The following TLN2 variants were observed in gnomAD, a reference collection of about 807,000 sequenced individuals.
TLN2 encodes the protein talin 2, also known as talin-2.
TLN2 carries 118 observed loss-of-function variants against 294.7 expected under a neutral mutation model. That is an observed-to-expected ratio of 0.40 (90% CI 0.34 to 0.47). TLN2 has a LOEUF of 0.47. Ranked by LOEUF, TLN2 falls within the 20% of genes least tolerant of loss-of-function variation. TLN2 has a pLI of 0.84. For missense variants in TLN2, 3,083 were observed against 3,282.2 expected, an observed-to-expected ratio of 0.94 and a Z score of 1.48; for synonymous variants, 1,431 against 1,304.5, an observed-to-expected ratio of 1.10 and a Z score of -2.09.
At chr15:62,477,566 C>T (rs1227667500) in intron 1 of TLN2, among the ~76,000 whole-genome samples, 1 of 152,142 alleles carries the variant, frequency 6.6e-6, no homozygotes, top group Non-Finnish European at 1.5e-5. Flanking sequence ...GTCCATTGAA[C>T]CCTCCCTTAA....
chr15:62,647,283 A>C lies in TLN2; in HGVS notation c.-28A>C, dbSNP rs1182755693. 4 of 1,609,782 alleles carry C rather than the reference A, an allele frequency of 2.5e-6. No individual in the cohort carries two copies. The highest frequency in any genetic ancestry group is 1.7e-4 in the Middle Eastern group (1 of 6,044). On this transcript the variant is annotated 5_prime_UTR_variant, in exon 4 of 59. Coordinates refer to ENST00000636159, the MANE Select transcript of TLN2 (RefSeq NM_015059.3). ...CTCTTTGTGTTTTCCAGACATTCTA[A>C]GTGAGACTGTCCACATCATCTAGGA...
chr15:62,707,382 C>A, intron 20 of TLN2, 129 bp downstream of exon 20: 1 of 1,124,008 alleles, frequency 8.9e-7, no homozygotes, highest in Non-Finnish European at 1.2e-6. Context: ...CTTAAAGTGT[C>A]TTAAGTGATG....
At chr15:62,691,255 A>G (rs78466307) in intron 12 of TLN2, among the ~76,000 whole-genome samples, 3,739 of 152,228 alleles carry the variant, frequency 0.025, 72 homozygotes, top group South Asian at 0.051. Context: ...TTACTGTCCT[A>G]TAAGTCCGTG....
intron 1 of TLN2, among the ~76,000 whole-genome samples, chr15:62,411,797 T>A (rs1346908318): frequency 6.6e-6 from 1 of 152,102 alleles, no homozygotes; most frequent in Non-Finnish European, 1.5e-5. Context: ...TCTCTCAAAA[T>A]GGGGGCCCTA....
At chr15:62,551,432 G>C (rs1355124988) in intron 1 of TLN2, among the ~76,000 whole-genome samples, 1 of 152,098 alleles carries the variant, frequency 6.6e-6, no homozygotes, top group East Asian at 1.9e-4. Flanking sequence ...AGCACGTTGG[G>C]AGGCCGAGAC....
At chr15:62,467,601 A>G (rs400271) in intron 1 of TLN2, among the ~76,000 whole-genome samples, 54,021 of 151,980 alleles carry the variant, frequency 0.36, 10,227 homozygotes, top group East Asian at 0.7. Flanking sequence ...CTGAGGCAGG[A>G]GAATCGCCAA....
intron 1 of TLN2, among the ~76,000 whole-genome samples, chr15:62,391,080 C>T (rs1388112706): frequency 2.0e-5 from 3 of 152,222 alleles, no homozygotes; most frequent in African/African-American, 4.8e-5. Context: ...GCGGCCCCGC[C>T]TGCATAGAGT....
At chr15:62,682,481 T>G (rs2056921948) in intron 11 of TLN2, among the ~76,000 whole-genome samples, 1 of 152,188 alleles carries the variant, frequency 6.6e-6, no homozygotes, top group Non-Finnish European at 1.5e-5. Context: ...GAAATGTGCT[T>G]TGGAAAAGAA....
chr15:62,836,407 A>G (rs185034397), intron 57 of TLN2, among the ~76,000 whole-genome samples: 13 of 152,298 alleles, frequency 8.5e-5, no homozygotes, highest in African/African-American at 3.1e-4. Context: ...CTGTGCTTTG[A>G]GAGCCCCTAG....
intron 2 of TLN2, among the ~76,000 whole-genome samples, chr15:62,594,741 G>T (rs578158173): frequency 1.3e-5 from 2 of 152,192 alleles, no homozygotes; most frequent in Admixed American, 6.5e-5. Context: ...TGTGACATTG[G>T]TCTGGGCAAG....
intron 45 of TLN2, chr15:62,784,569 G>A (rs886614758): frequency 2.0e-5 from 3 of 152,308 alleles, no homozygotes; most frequent in Admixed American, 1.3e-4. Flanking sequence ...TTCTAATGGG[G>A]TGGTCCATTG....
intron 1 of TLN2, among the ~76,000 whole-genome samples, chr15:62,567,053 C>T (rs372915127): frequency 4.6e-5 from 7 of 152,288 alleles, no homozygotes; most frequent in African/African-American, 1.4e-4. Context: ...GACATAGTTA[C>T]GATCATAAGT....
intron 1 of TLN2, among the ~76,000 whole-genome samples, chr15:62,455,626 G>T (rs1228388359): frequency 2.6e-5 from 4 of 152,204 alleles, no homozygotes; most frequent in Non-Finnish European, 5.9e-5. Context: ...CATTCTGGAA[G>T]GCCTCCAGCA....
intron 19 of TLN2, among the ~76,000 whole-genome samples, chr15:62,705,470 G>C (rs1044239621): frequency 6.6e-6 from 1 of 152,202 alleles, no homozygotes; most frequent in African/African-American, 2.4e-5. Flanking sequence ...AGCTATAGCT[G>C]TAGTATCACA....
chr15:62,469,510 G>A (rs1302864132), intron 1 of TLN2, among the ~76,000 whole-genome samples: 2 of 152,348 alleles, frequency 1.3e-5, no homozygotes, highest in Admixed American at 6.5e-5. Context: ...GAGGAATGCT[G>A]GAGTTTGCAG....
intron 21 of TLN2, among the ~76,000 whole-genome samples, chr15:62,709,579 A>C (rs1204519184): frequency 1.3e-5 from 2 of 152,188 alleles, no homozygotes; most frequent in African/African-American, 2.4e-5. Flanking sequence ...ATCATACCTA[A>C]TATACAGTCA....
intron 2 of TLN2, among the ~76,000 whole-genome samples, chr15:62,597,866 A>G (rs1010637399): frequency 1.3e-5 from 2 of 152,188 alleles, no homozygotes; most frequent in African/African-American, 2.4e-5. Context: ...GCGTGAAACA[A>G]AGTTTTACTG....
Position 62,840,784 on chromosome 15 carries a change from G to A in TLN2, c.*174G>A, listed in dbSNP as rs1246163790. 9.3e-6 allele frequency: 8 copies of A among 857,500 alleles called. No homozygotes were observed. Among genetic ancestry groups the A allele is most frequent in the South Asian group, 1.9e-5 (1 of 53,712 alleles). 53.1% of individuals were successfully genotyped at this position (857,500 alleles called of 1,614,324 possible). A position where few individuals can be genotyped will look rare whatever the true frequency, so the allele number is the denominator to read the frequency against. On this transcript the variant is annotated 3_prime_UTR_variant, in exon 59 of 59. Transcript: ENST00000636159. ...TCCCGTCGGCACTGGCTGCATGATCGTGATGTCACACGGTACAATGTCCTA... is the reference window on the plus strand; with the variant it reads ...TCCCGTCGGCACTGGCTGCATGATCATGATGTCACACGGTACAATGTCCTA...
At chr15:62,608,083 CT>C in intron 2 of TLN2, among the ~76,000 whole-genome samples, 1 of 152,290 alleles carries the variant, frequency 6.6e-6, no homozygotes, top group South Asian at 2.1e-4. Flanking sequence ...TTAAGTTGGT[CT>C]ACTACCCCCA....
Sources: gnomAD v4.1 joint callset for allele counts (sites outside exome capture counted in the v4.1 genomes callset) on GRCh38, gnomAD v4.1.1 for gene constraint, MANE v1.5 for transcripts, NCBI Gene and HGNC (gene_info 2026-07-23, HGNC 2026-07-21) for gene names.